Variants in NKAIN2 observed in about 807,000 individuals in gnomAD.
The protein encoded by NKAIN2 is sodium/potassium transporting ATPase interacting 2.
A neutral mutation model predicts 32.6 loss-of-function variants in NKAIN2; 14 were observed. The ratio of observed to expected loss-of-function variants is 0.43; its 90% confidence interval spans 0.28 to 0.67. The LOEUF (loss-of-function observed/expected upper bound fraction) is 0.67, where lower values mean the gene tolerates loss of function less well. Ranked by LOEUF, NKAIN2 falls within the 30% of genes least tolerant of loss-of-function variation. The pLI, the probability that NKAIN2 is intolerant of heterozygous loss-of-function variation, is 0.17. For missense variants in NKAIN2, 198 were observed against 258.3 expected (o/e 0.77, Z 1.60); for synonymous variants, 80 against 87.2 (o/e 0.92, Z 0.46).
At position 124,296,895 on chromosome 6, in the gene NKAIN2, A is replaced by T. The variant is rs557517700; in HGVS notation, c.192+13753A>T. Among the ~76,000 whole-genome samples the T allele has an allele frequency of 1.1e-4, 17 of 152,312 alleles. No individual in the cohort carries two copies. The South Asian group carries it at 3.5e-3, about 32-fold the overall frequency. ...CATCACACACGGACACACATAAAAA[A>T]AGTAGTGCCTATTTAGGCACAAAGT... On this transcript the variant is annotated intron_variant, in intron 2 of 6. Coordinates refer to ENST00000368417, the MANE Select transcript of NKAIN2 (RefSeq NM_001040214.3).
intron 1 of NKAIN2, among the ~76,000 whole-genome samples, chr6:124,008,533 C>G (rs749852830): frequency 3.3e-5 from 5 of 151,900 alleles, no homozygotes; most frequent in Non-Finnish European, 7.4e-5. Flanking sequence ...TGAAGCAGTT[C>G]CAGAGAATCA....
rs183976690 is a variant in NKAIN2 at position 124,110,521 on chromosome 6, T to C, written c.55-172484T>C. 6.9e-3 allele frequency among the ~76,000 whole-genome samples: 1,056 copies of C among 152,124 alleles called. 6 individuals are homozygous for C. Among genetic ancestry groups the C allele is most frequent in the Non-Finnish European group, 0.011 (767 of 67,954 alleles). The stretch of plus-strand genomic sequence containing the variant: ...CCTGTGTGATGAGCATAATAACCAG[T>C]AGGTAGTTTTTCACCCCACATCTCC... On this transcript the variant is annotated intron_variant, in intron 1 of 6. Transcript: ENST00000368417.
chr6:124,517,123 A>G (rs1778944541), intron 3 of NKAIN2, among the ~76,000 whole-genome samples: 1 of 152,114 alleles, frequency 6.6e-6, no homozygotes, highest in Non-Finnish European at 1.5e-5. Flanking sequence ...TTTTCTTGGT[A>G]ATTATATCTT....
chr6:124,185,622 G>T (rs1195075960), intron 1 of NKAIN2, among the ~76,000 whole-genome samples: 1 of 152,086 alleles, frequency 6.6e-6, no homozygotes, highest in Non-Finnish European at 1.5e-5. Flanking sequence ...ATCCAAGAAA[G>T]TAGAAGTCCT....
chr6:124,334,693 G>T (rs1797796756), intron 2 of NKAIN2, among the ~76,000 whole-genome samples: 1 of 151,714 alleles, frequency 6.6e-6, no homozygotes, highest in Non-Finnish European at 1.5e-5. Context: ...GAGCAATTTG[G>T]GAGATTAGTG....
At chr6:123,983,748 T>A (rs975298440) in intron 1 of NKAIN2, among the ~76,000 whole-genome samples, 19 of 17,140 alleles carry the variant, frequency 1.1e-3, no homozygotes, top group African/African-American at 4.1e-3. Flanking sequence ...TATATATATT[T>A]TTTTTTTCTA....
At chr6:124,077,435 G>T (rs902492969) in intron 1 of NKAIN2, among the ~76,000 whole-genome samples, 1 of 152,136 alleles carries the variant, frequency 6.6e-6, no homozygotes, top group African/African-American at 2.4e-5. Context: ...AGCTCAGAAG[G>T]AGCAACTTCA....
chr6:124,210,366 A>G (rs1791109210), intron 1 of NKAIN2, among the ~76,000 whole-genome samples: 2 of 151,876 alleles, frequency 1.3e-5, no homozygotes, highest in African/African-American at 4.8e-5. Flanking sequence ...AAAGTCAGGT[A>G]ATGTGATCCT....
intron 3 of NKAIN2, among the ~76,000 whole-genome samples, chr6:124,398,103 A>G (rs1392844301): frequency 6.6e-6 from 1 of 151,636 alleles, no homozygotes; most frequent in Non-Finnish European, 1.5e-5. Context: ...ACTACAAAAA[A>G]TTAGCCGGGC....
At chr6:124,688,917 T>C (rs1774127482) in intron 4 of NKAIN2, among the ~76,000 whole-genome samples, 1 of 152,122 alleles carries the variant, frequency 6.6e-6, no homozygotes, top group Non-Finnish European at 1.5e-5. Context: ...TGGGCAATTA[T>C]GAATAAAGCT....
intron 1 of NKAIN2, among the ~76,000 whole-genome samples, chr6:124,215,726 G>A (rs951555755): frequency 6.6e-6 from 1 of 152,166 alleles, no homozygotes; most frequent in African/African-American, 2.4e-5. Context: ...TTTTCCTGCA[G>A]TGTTCTTTCT....
chr6:123,999,657 G>A (rs1345148808), intron 1 of NKAIN2, among the ~76,000 whole-genome samples: 2 of 152,176 alleles, frequency 1.3e-5, no homozygotes, highest in Non-Finnish European at 2.9e-5. Flanking sequence ...TTGAAATATA[G>A]TACTGCTTTT....
chr6:124,155,301 AAGG>A (rs1787927951), intron 1 of NKAIN2, among the ~76,000 whole-genome samples: 1 of 152,066 alleles, frequency 6.6e-6, no homozygotes, highest in Admixed American at 6.5e-5. Flanking sequence ...AAACAGCTAG[AAGG>A]AGGATACTGA....
At chr6:124,184,628 A>G (rs929405259) in intron 1 of NKAIN2, among the ~76,000 whole-genome samples, 1 of 152,184 alleles carries the variant, frequency 6.6e-6, no homozygotes, top group African/African-American at 2.4e-5. Flanking sequence ...GATTCACTAT[A>G]AAATCACTCA....
chr6:124,278,319 C>G (rs993385535), intron 1 of NKAIN2, among the ~76,000 whole-genome samples: 1 of 151,844 alleles, frequency 6.6e-6, no homozygotes, highest in African/African-American at 2.4e-5. Context: ...CTTAATTGGG[C>G]CCAGTTTTCT....
At chr6:124,635,071 A>AT (rs2114327284) in intron 3 of NKAIN2, among the ~76,000 whole-genome samples, 1 of 148,724 alleles carries the variant, frequency 6.7e-6, no homozygotes, top group East Asian at 1.9e-4. Context: ...AAGAAAGAGA[A>AT]AAAAGACAAA....
chr6:124,128,833 T>G (rs1786312356), intron 1 of NKAIN2, among the ~76,000 whole-genome samples: 1 of 152,202 alleles, frequency 6.6e-6, no homozygotes, highest in Non-Finnish European at 1.5e-5. Flanking sequence ...CCACTGCCAC[T>G]AAAAGAGTGC....
chr6:124,560,090 A>C (rs971766193), intron 3 of NKAIN2, among the ~76,000 whole-genome samples: 1 of 152,124 alleles, frequency 6.6e-6, no homozygotes, highest in African/African-American at 2.4e-5. Flanking sequence ...ACAAGGAAAT[A>C]TATAGCATTG....
At position 124,344,232 on chromosome 6, in the gene NKAIN2, T is replaced by A. The variant is rs1798288524; in HGVS notation, c.193-11035T>A. On this transcript the variant is annotated intron_variant, in intron 2 of 6. Transcript: ENST00000368417. ...CAGTACCATGCTGTTTTGGTTACTG[T>A]AGCCTTGTAGTATAGTTTGAAGTCA... Among the ~76,000 whole-genome samples, 4 of 152,166 alleles carry A rather than the reference T, an allele frequency of 2.6e-5. No homozygotes were observed. In the South Asian group the frequency reaches 8.3e-4, roughly 32 times the overall value.
Sources: gnomAD v4.1 joint callset for allele counts (sites outside exome capture counted in the v4.1 genomes callset) on GRCh38, gnomAD v4.1.1 for gene constraint, MANE v1.5 for transcripts, NCBI Gene and HGNC (gene_info 2026-07-23, HGNC 2026-07-21) for gene names.